Variants in SPART observed in about 807,000 individuals in gnomAD.
SPART encodes spastic paraplegia 20 (Troyer syndrome).
SPART carries 35 observed loss-of-function variants against 58.7 expected under a neutral mutation model. The ratio of observed to expected loss-of-function variants is 0.60; its 90% confidence interval spans 0.46 to 0.79. The LOEUF (loss-of-function observed/expected upper bound fraction) is 0.79. Ranked by LOEUF, SPART falls within the 30% of genes least tolerant of loss-of-function variation. The probability of loss-of-function intolerance (pLI) is 0.00; values close to 1 mark genes in which losing one functional copy is unlikely to be tolerated. For synonymous variants in SPART, 284 were observed against 280.7 expected, an observed-to-expected ratio of 1.01 and a Z score of -0.12; for missense variants, 730 against 786.1, an observed-to-expected ratio of 0.93 and a Z score of 0.85.
intron 5 of SPART, among the ~76,000 whole-genome samples, chr13:36,314,632 T>C (rs1200248273): frequency 2.6e-5 from 4 of 152,236 alleles, no homozygotes; most frequent in Non-Finnish European, 4.4e-5. Flanking sequence ...ATGCTGCCAC[T>C]ACCTAGTACC....
In SPART at chr13:36,312,555, C is replaced by A. The variant is rs149528741; in HGVS notation, c.1484-78G>T. 754 of 1,362,492 alleles carry A rather than the reference C, an allele frequency of 5.5e-4. 11 individuals carry two copies. In the East Asian group the frequency reaches 0.015, roughly 27 times the overall value. 84.4% of individuals were successfully genotyped at this position (1,362,492 alleles called of 1,614,324 possible). On this transcript the variant is annotated intron_variant, in intron 6 of 8. Coordinates refer to ENST00000438666, the MANE Select transcript of SPART (RefSeq NM_015087.5). The stretch of plus-strand genomic sequence containing the variant: ...TTTTTACCACTCATCTTGCAACATT[C>A]TTAAATGAACATCTAAATTGTTTTA...
At chr13:36,337,296 C>CCATGCTGT (rs1297496681) in intron 1 of SPART, among the ~76,000 whole-genome samples, 1 of 152,184 alleles carries the variant, frequency 6.6e-6, no homozygotes, top group Admixed American at 6.5e-5. Flanking sequence ...TCCAGGGCAT[C>CCATGCTGT]CATGCTGTCT....
At chr13:36,325,045 G>T (rs930601226) in intron 5 of SPART, among the ~76,000 whole-genome samples, 5 of 152,156 alleles carry the variant, frequency 3.3e-5, no homozygotes, top group African/African-American at 1.2e-4. Context: ...CTTCTTTTGT[G>T]ATTCTTCAGT....
chr13:36,342,086 G>T (rs978681577), intron 1 of SPART, among the ~76,000 whole-genome samples: 1 of 152,172 alleles, frequency 6.6e-6, no homozygotes, highest in African/African-American at 2.4e-5. Flanking sequence ...CAAATGACTT[G>T]AACAGGGTCT....
chr13:36,339,663 A>G (rs1029409412), intron 1 of SPART, among the ~76,000 whole-genome samples: 1 of 150,678 alleles, frequency 6.6e-6, no homozygotes, highest in African/African-American at 2.4e-5. Flanking sequence ...CCAACCAACA[A>G]ACAAAAAACC....
At chr13:36,354,398 A>G (rs1885539997) in intron 1 of SPART, among the ~76,000 whole-genome samples, 1 of 152,164 alleles carries the variant, frequency 6.6e-6, no homozygotes, top group Non-Finnish European at 1.5e-5. Flanking sequence ...TCTGATAAGA[A>G]TGGTTTTTTT....
chr13:36,319,688 A>G (rs967025265), intron 5 of SPART, among the ~76,000 whole-genome samples: 6 of 142,212 alleles, frequency 4.2e-5, no homozygotes, highest in Non-Finnish European at 9.4e-5. Flanking sequence ...TCTGTTCTAG[A>G]TCTCAAACAT....
In SPART at chr13:36,332,011, T is replaced by C. The variant is rs116418266; in HGVS notation, c.811-415A>G. On this transcript the variant is annotated intron_variant, in intron 2 of 8. Transcript: ENST00000438666. Reference sequence around the variant, plus strand: ...TGAAATATTTACTGAAATAATAGTATTTACTGATTTAATCCTCCTAACAAT... The same window carrying C: ...TGAAATATTTACTGAAATAATAGTACTTACTGATTTAATCCTCCTAACAAT... Among the ~76,000 whole-genome samples the C allele has an allele frequency of 4.9e-3, 743 of 152,334 alleles. 7 individuals carry two copies. The highest frequency in any genetic ancestry group is 0.017 in the African/African-American group (686 of 41,566).
At chr13:36,321,780 T>A (rs1221481631) in intron 5 of SPART, among the ~76,000 whole-genome samples, 2 of 152,212 alleles carry the variant, frequency 1.3e-5, no homozygotes, top group African/African-American at 2.4e-5. Flanking sequence ...TCGCGTCCCC[T>A]GTGACTTGCA....
intron 4 of SPART, among the ~76,000 whole-genome samples, chr13:36,328,914 A>T (rs573734205): frequency 7.2e-5 from 11 of 152,302 alleles, no homozygotes; most frequent in Non-Finnish European, 1.5e-4. Context: ...AACAAATAAG[A>T]AAGTATGTGC....
At chr13:36,324,562 T>A (rs1882723402) in intron 5 of SPART, among the ~76,000 whole-genome samples, 1 of 152,238 alleles carries the variant, frequency 6.6e-6, no homozygotes, top group Non-Finnish European at 1.5e-5. Flanking sequence ...TGCTGTGACC[T>A]TTCCAAATAC....
chr13:36,319,618 C>T (rs1882148381), intron 5 of SPART, among the ~76,000 whole-genome samples: 1 of 147,588 alleles, frequency 6.8e-6, no homozygotes, highest in Admixed American at 6.9e-5. Flanking sequence ...GCCTTTCCAC[C>T]CCATGGTGCC....
At chr13:36,338,505 A>T (rs897445421) in intron 1 of SPART, among the ~76,000 whole-genome samples, 2 of 152,196 alleles carry the variant, frequency 1.3e-5, no homozygotes, top group Non-Finnish European at 2.9e-5. Context: ...CAAAGAGCTG[A>T]AAAAAGAGGA....
chr13:36,332,008 G>C (rs1197848851), intron 2 of SPART, among the ~76,000 whole-genome samples: 1 of 152,098 alleles, frequency 6.6e-6, no homozygotes, highest in Admixed American at 6.5e-5. Context: ...TGAAATAATA[G>C]TATTTACTGA....
At chr13:36,347,398 T>C (rs1885215192), upstream of SPART, among the ~76,000 whole-genome samples, 1 of 152,174 alleles carries the variant, frequency 6.6e-6, no homozygotes, top group Non-Finnish European at 1.5e-5. Context: ...TTTGTATTTT[T>C]AGTAGAGACG....
intron 1 of SPART, among the ~76,000 whole-genome samples, chr13:36,358,272 T>C (rs1455885622): frequency 6.6e-6 from 1 of 152,174 alleles, no homozygotes; most frequent in African/African-American, 2.4e-5. Context: ...TATTTCTTAG[T>C]CTTTTTTGCA....
At chr13:36,365,608 T>A (rs1191565856) in intron 1 of SPART, 1 of 470,120 alleles carries the variant, frequency 2.1e-6, no homozygotes, top group African/African-American at 2.0e-5. Flanking sequence ...TGGTCATGTA[T>A]GTTGAAATAT....
At chr13:36,349,593 C>T (rs1426145275), upstream of SPART, among the ~76,000 whole-genome samples, 1 of 152,190 alleles carries the variant, frequency 6.6e-6, no homozygotes, top group African/African-American at 2.4e-5. Context: ...TCCTCAGTAC[C>T]TGGTCAAAAC....
intron 1 of SPART, among the ~76,000 whole-genome samples, chr13:36,358,350 T>G (rs1396365823): frequency 6.6e-6 from 1 of 152,094 alleles, no homozygotes; most frequent in Non-Finnish European, 1.5e-5. Context: ...CAATACTAAC[T>G]TGAAAAACCA....
Sources: gnomAD v4.1 joint callset for allele counts (sites outside exome capture counted in the v4.1 genomes callset) on GRCh38, gnomAD v4.1.1 for gene constraint, MANE v1.5 for transcripts, NCBI Gene and HGNC (gene_info 2026-07-23, HGNC 2026-07-21) for gene names.